LEMD2: variants seen among roughly 807,000 people sequenced by gnomAD.
LEMD2 encodes the protein LEM domain-containing protein 2.
Under a neutral mutation model 58.8 loss-of-function variants are expected in LEMD2, and 34 were observed. The ratio of observed to expected loss-of-function variants is 0.58; its 90% CI spans 0.44 to 0.77. The LOEUF (loss-of-function observed/expected upper bound fraction) is 0.77. Among genes scored for constraint, LEMD2 ranks in the 30% least tolerant of loss-of-function variants. The pLI, the probability that LEMD2 is intolerant of heterozygous loss-of-function variation, is 0.00. For missense variants in LEMD2, 629 were observed against 717.9 expected, an observed-to-expected ratio of 0.88 and a Z score of 1.42; for synonymous variants, 298 against 308.9, an observed-to-expected ratio of 0.96 and a Z score of 0.37.
chr6:33,778,622 G>A lies in LEMD2; in HGVS notation c.1011-235C>T, dbSNP rs551320119. 2.7e-5 allele frequency: 10 copies of A among 368,602 alleles called. No homozygotes were observed. The highest frequency in any genetic ancestry group is 1.3e-4 in the South Asian group (1 of 7,666). The allele number at this position is 368,602 out of a possible 1,614,324, so 22.8% of individuals were successfully genotyped here. ...CTTGAACCCCTACCGCTAAAGCAACGTCCCCCTGTCAGGTCTTTGACAGCC... is the reference window on the plus strand; with the variant it reads ...CTTGAACCCCTACCGCTAAAGCAACATCCCCCTGTCAGGTCTTTGACAGCC... On this transcript the variant is annotated intron_variant, in intron 5 of 8. Transcript: ENST00000293760. This position sits in a 1 kb window ranked among gnomAD's most constrained non-coding sequence, Gnocchi z 4.7.
In LEMD2 at chr6:33,778,583, A is replaced by C; in HGVS notation, c.1011-196T>G. 2.4e-6 allele frequency: 1 copy of C among 416,120 alleles called. No homozygotes were observed. The highest frequency in any genetic ancestry group is 4.2e-6 in the Non-Finnish European group (1 of 237,910). 25.8% of individuals were successfully genotyped at this position (416,120 alleles called of 1,614,324 possible). A position where few individuals can be genotyped will look rare whatever the true frequency, so the allele number is the denominator to read the frequency against. On this transcript the variant is annotated intron_variant, in intron 5 of 8. Coordinates refer to ENST00000293760, the MANE Select transcript of LEMD2 (RefSeq NM_181336.4). This position sits in a 1 kb window ranked among gnomAD's most constrained non-coding sequence, Gnocchi z 4.7. ...GCTACTTAGAATGAATAAAGCTTTA[A>C]AGACGGCAGCAGGCTTGAACCCCTA...
At chr6:33,786,996 G>A in intron 1 of LEMD2, 1 of 1,025,094 alleles carries the variant, frequency 9.8e-7, no homozygotes, top group Non-Finnish European at 1.3e-6. Flanking sequence ...CCTTGTCCCA[G>A]CTGAAAATGA....
At chr6:33,781,396 A>C (rs565287344) in intron 3 of LEMD2, 2 of 507,478 alleles carry the variant, frequency 3.9e-6, no homozygotes, top group African/African-American at 3.9e-5. Context: ...ATGACTAAAA[A>C]GCTGCCCAAT....
chr6:33,778,124 C>T lies in LEMD2; in HGVS notation c.1156+118G>A. ...CATCTCCTCTGTTTTATGAGACAGACCTCAGGTTCACTAGACAGAAATGAA... is the reference window on the plus strand; with the variant it reads ...CATCTCCTCTGTTTTATGAGACAGATCTCAGGTTCACTAGACAGAAATGAA... On this transcript the variant is annotated intron_variant, in intron 6 of 8. Transcript: ENST00000293760. This position sits in a 1 kb window ranked among gnomAD's most constrained non-coding sequence, Gnocchi z 4.7. 1.0e-6 allele frequency: 1 copy of T among 985,224 alleles called. No individual in the cohort carries two copies. The highest frequency in any genetic ancestry group is 1.4e-6 in the Non-Finnish European group (1 of 709,370). The allele number at this position is 985,224 out of a possible 1,614,324, so 61.0% of individuals were successfully genotyped here. A position where few individuals can be genotyped will look rare whatever the true frequency, so the allele number is the denominator to read the frequency against.
chr6:33,777,477 C>T (rs887341536), intron 6 of LEMD2, among the ~76,000 whole-genome samples: 3 of 152,262 alleles, frequency 2.0e-5, no homozygotes, highest in Non-Finnish European at 2.9e-5. Flanking sequence ...CATCCCCAGC[C>T]GTCCAGATCT....
At chr6:33,776,762 T>C (rs372038121) in intron 8 of LEMD2, 192 bp downstream of exon 8, 4 of 615,150 alleles carry the variant, frequency 6.5e-6, no homozygotes, top group East Asian at 2.8e-5. Flanking sequence ...ATATGTCTTT[T>C]CTAGCTCATC....
rs986234239 is a variant in LEMD2 at position 33,773,961 on chromosome 6, A to G, written c.1362-1183T>C. 1.1e-4 allele frequency among the ~76,000 whole-genome samples: 16 copies of G among 152,248 alleles called. 2 individuals are homozygous for G. The highest frequency in any genetic ancestry group is 3.9e-4 in the East Asian group (2 of 5,176). ...CAGAGCATGGGCGTCTGGGGTTCAC[A>G]TGGCTCTGACCCTGAGGGCCGGCTA... is the stretch of plus-strand genomic sequence containing the variant. On this transcript the variant is annotated intron_variant, in intron 8 of 8. Transcript: ENST00000293760.
At position 33,788,542 on chromosome 6, in the gene LEMD2, G is replaced by A. The variant is rs967836415; in HGVS notation, c.575C>T (p.Pro192Leu). Residue 192 changes from proline to leucine, a missense_variant, in exon 1 of 9, where the codon CCT becomes CTT. Pro to Leu is a moderately conservative substitution (Grantham distance 98). This residue lies in a region of LEMD2 where 386 missense variants were observed against 381.1 expected (regional missense o/e 1.01). Coordinates refer to ENST00000293760, the MANE Select transcript of LEMD2 (RefSeq NM_181336.4). ...AGGCCGGGCCCTCGCCGCGCCAGCA[G>A]GGCCCGCTCGAGTCGCCCGCAGGCC... ...RPGLRATRAG[P>L]AGAARARPEV... The A allele has an allele frequency of 3.4e-6, 5 of 1,464,722 alleles. No homozygotes were observed. The highest frequency in any genetic ancestry group is 2.6e-5 in the Admixed American group (1 of 38,474). 90.7% of individuals were successfully genotyped at this position (1,464,722 alleles called of 1,614,324 possible).
At position 33,789,059 on chromosome 6, in the gene LEMD2, G is replaced by T. The variant is rs1387527641; in HGVS notation, c.58C>A (p.Pro20Thr). 1.3e-6 allele frequency: 2 copies of T among 1,553,014 alleles called. No homozygotes were observed. The change falls in exon 1 of 9, where the codon CCA becomes ACA. Residue 20 changes from proline (P) to threonine (T), a missense_variant. This residue lies in a region of LEMD2 where 386 missense variants were observed against 381.1 expected (regional missense o/e 1.01). Coordinates refer to ENST00000293760, the MANE Select transcript of LEMD2 (RefSeq NM_181336.4). ...RRELQALGFQ[P>T]GPITDTTRDV... is the part of the protein sequence containing the mutation. Reference sequence around the variant, plus strand: ...CGGGTGGTGTCGGTGATGGGTCCTGGCTGGAAGCCCAGGGCCTGCAGCTCC... The same window carrying T: ...CGGGTGGTGTCGGTGATGGGTCCTGTCTGGAAGCCCAGGGCCTGCAGCTCC...
At position 33,778,273 on chromosome 6, in the gene LEMD2, AG is replaced by A. The variant is rs945349520; in HGVS notation, c.1124del (p.Thr375MetfsTer20). The A allele has an allele frequency of 5.0e-6, 8 of 1,607,166 alleles. No homozygotes were observed. Among genetic ancestry groups the A allele is most frequent in the African/African-American group, 1.3e-5 (1 of 74,610 alleles). ...VGCRLSRALL[T>X]AVTNVLIFFW... ...AGAAGATGAGCACGTTGGTGACAGC[AG>A]TGAGCAAGGCCCGGCTCAGGCGGCA... is the stretch of plus-strand genomic sequence containing the variant. On this transcript the variant is annotated frameshift_variant, in exon 6 of 9. Transcript: ENST00000293760. LOFTEE classifies it high-confidence loss of function. This position sits in a 1 kb window ranked among gnomAD's most constrained non-coding sequence, Gnocchi z 4.7.
chr6:33,786,960 T>C (rs773741712), intron 1 of LEMD2, 186 bp from the exon 2 acceptor site: 19 of 1,350,650 alleles, frequency 1.4e-5, no homozygotes, highest in Admixed American at 3.3e-5. Flanking sequence ...ATCCAAATCC[T>C]GGATTAGGAA....
At chr6:33,773,367 TCTC>T (rs1435249385) in intron 8 of LEMD2, among the ~76,000 whole-genome samples, 3 of 152,038 alleles carry the variant, frequency 2.0e-5, no homozygotes, top group African/African-American at 4.8e-5. Flanking sequence ...CTTCCCCTCA[TCTC>T]TTCTTCCCCC....
At chr6:33,784,477 G>GCCCC in intron 2 of LEMD2, 50 bp from the exon 3 acceptor site, 1 of 430,804 alleles carries the variant, frequency 2.3e-6, no homozygotes. Flanking sequence ...GGTGGGAGGG[G>GCCCC]TCCGTCTGTC....
chr6:33,779,801 TTG>T (rs766724320), intron 5 of LEMD2: 4 of 299,468 alleles, frequency 1.3e-5, no homozygotes, highest in Non-Finnish European at 1.9e-5. Flanking sequence ...CCATGTGGTG[TTG>T]TTGATGAATG....
intron 4 of LEMD2, among the ~76,000 whole-genome samples, chr6:33,780,871 C>T (rs1020227797): frequency 6.6e-6 from 1 of 152,186 alleles, no homozygotes; most frequent in African/African-American, 2.4e-5. Flanking sequence ...CTGCACATGG[C>T]GGCCTGGCTC....
At chr6:33,773,361 C>T (rs1767348556) in intron 8 of LEMD2, among the ~76,000 whole-genome samples, 1 of 152,114 alleles carries the variant, frequency 6.6e-6, no homozygotes, top group African/African-American at 2.4e-5. Flanking sequence ...GACAGCCTTC[C>T]CCTCATCTCT....
At position 33,776,980 on chromosome 6, in the gene LEMD2, G is replaced by A. The variant is rs754150748; in HGVS notation, c.1335C>T (p.Arg445=). 27 of 1,613,742 alleles carry A rather than the reference G, an allele frequency of 1.7e-5. No individual in the cohort carries two copies. The highest frequency in any genetic ancestry group is 4.5e-5 in the East Asian group (2 of 44,884). The part of the protein sequence containing the change: ...RYPYVGILHV[R]DSLIPPQSRR... The stretch of plus-strand genomic sequence containing the variant: ...GGCTCTGTGGAGGGATCAAGCTGTC[G>A]CGCACGTGCAGGATGCCTACATATG... Residue 445 remains arginine (R), a synonymous_variant, in exon 8 of 9, where the codon CGC becomes CGT. Coordinates refer to ENST00000293760, the MANE Select transcript of LEMD2 (RefSeq NM_181336.4).
At chr6:33,775,873 G>A (rs574798446) in intron 8 of LEMD2, among the ~76,000 whole-genome samples, 205 of 152,294 alleles carry the variant, frequency 1.3e-3, no homozygotes, top group South Asian at 3.7e-3. Context: ...CCGGCTCCCA[G>A]GGAGCACTCA....
In LEMD2 at chr6:33,788,833, C is replaced by A. The variant is rs1256069496; in HGVS notation, c.284G>T (p.Gly95Val). 29 of 1,420,702 alleles carry A rather than the reference C, an allele frequency of 2.0e-5. No homozygotes were observed. The highest frequency in any genetic ancestry group is 2.9e-5 in the Admixed American group (1 of 33,944). The allele number at this position is 1,420,702 out of a possible 1,614,324, so 88.0% of individuals were successfully genotyped here. A position where few individuals can be genotyped will look rare whatever the true frequency, so the allele number is the denominator to read the frequency against. ...GGCCCCAGGGGTCGCGTAGGCCGAGCCCGAGGCCGGCTGGGAGAGCCAGGG... is the reference window on the plus strand; with the variant it reads ...GGCCCCAGGGGTCGCGTAGGCCGAGACCGAGGCCGGCTGGGAGAGCCAGGG... Reference protein sequence around the residue: ...AEPWLSQPASGSAYATPGAYG... With the variant: ...AEPWLSQPASVSAYATPGAYG... The change falls in exon 1 of 9, where the codon GGC (glycine) becomes GTC (valine). Residue 95 changes from glycine (G) to valine (V), a missense_variant. Gly to Val is a moderately radical substitution (Grantham distance 109, BLOSUM62 -3). Coordinates refer to ENST00000293760, the MANE Select transcript of LEMD2 (RefSeq NM_181336.4).
Sources: gnomAD v4.1 joint callset for allele counts (sites outside exome capture counted in the v4.1 genomes callset) on GRCh38, gnomAD v4.1.1 for gene constraint, gnomAD v4.1.1 regional missense constraint, Gnocchi (gnomAD v3.1) non-coding constraint, MANE v1.5 for transcripts, NCBI Gene and HGNC (gene_info 2026-07-23, HGNC 2026-07-21) for gene names.